BCAS3: variants seen among roughly 807,000 people sequenced by gnomAD.
BCAS3 encodes the protein BCAS3 microtubule associated cell migration factor.
A neutral mutation model predicts 116.1 loss-of-function variants in BCAS3; 53 were observed. The ratio of observed to expected loss-of-function variants is 0.46; its 90% CI spans 0.37 to 0.57. The LOEUF (loss-of-function observed/expected upper bound fraction) is 0.57, where lower values mean the gene tolerates loss of function less well. BCAS3 is among the 20% of genes least tolerant of loss of function. The pLI is 0.00. For missense variants in BCAS3, 917 were observed against 1,165.4 expected (o/e 0.79, Z 3.10); for synonymous variants, 391 against 408.2 (o/e 0.96, Z 0.51).
chr17:61,124,850 G>T lies in BCAS3; in HGVS notation c.2425+40286G>T, dbSNP rs2075973542. ...CGGCTCACCTGGCCTCTTAGTGACA[G>T]AGAAATCCTTTGTTTATTCATTTAG... On this transcript the variant is annotated intron_variant, in intron 22 of 23. Coordinates refer to ENST00000407086, the MANE Select transcript of BCAS3 (RefSeq NM_017679.5). The surrounding 1 kb of genome is among the most constrained non-coding windows in gnomAD (Gnocchi z 4.6). 6.6e-6 allele frequency among the ~76,000 whole-genome samples: 1 copy of T among 152,134 alleles called. No homozygotes were observed. Among genetic ancestry groups the T allele is most frequent in the Admixed American group, 6.5e-5 (1 of 15,272 alleles).
chr17:61,318,069 G>A lies in BCAS3; in HGVS notation c.2426-50258G>A, dbSNP rs889584841. Among the ~76,000 whole-genome samples the A allele has an allele frequency of 2.0e-5, 3 of 152,232 alleles. No individual in the cohort carries two copies. In the East Asian group the frequency reaches 5.8e-4, roughly 29 times the overall value. ...GTGTCCAGGCTGTGCAGGAAGCAGG[G>A]CCAGAGGCCGCCTCTCCTGCTAGAG... On this transcript the variant is annotated intron_variant, in intron 22 of 23. Transcript: ENST00000407086.
At chr17:60,854,358 T>C (rs990483738) in intron 7 of BCAS3, among the ~76,000 whole-genome samples, 1 of 152,194 alleles carries the variant, frequency 6.6e-6, no homozygotes, top group Non-Finnish European at 1.5e-5. Flanking sequence ...GCAATGAACA[T>C]ACGTGTGCAT....
intron 4 of BCAS3, among the ~76,000 whole-genome samples, chr17:60,693,622 A>T (rs1473021737): frequency 6.6e-6 from 1 of 151,336 alleles, no homozygotes; most frequent in Non-Finnish European, 1.5e-5. Context: ...CATGTTCCCT[A>T]AACTGGTCTC....
Position 61,171,833 on chromosome 17 carries a change from G to A in BCAS3, c.2425+87269G>A, listed in dbSNP as rs1440181643. ...TTTTTTGTAGAAATGGAGTCTCACT[G>A]TGTTGTTCGGGCTGTTCTTGAACTT... is the stretch of plus-strand genomic sequence containing the variant. On this transcript the variant is annotated intron_variant, in intron 22 of 23. Transcript: ENST00000407086. This position sits in a 1 kb window ranked among gnomAD's most constrained non-coding sequence, Gnocchi z 4.1. Among the ~76,000 whole-genome samples, 1 of 150,082 alleles carries A rather than the reference G, an allele frequency of 6.7e-6. No homozygotes were observed. Among genetic ancestry groups the A allele is most frequent in the Non-Finnish European group, 1.5e-5 (1 of 67,688 alleles).
chr17:60,704,754 C>T (rs2036888177), intron 4 of BCAS3, among the ~76,000 whole-genome samples: 1 of 151,780 alleles, frequency 6.6e-6, no homozygotes, highest in African/African-American at 2.4e-5. Flanking sequence ...AGGAGAATCG[C>T]TTGGACCAGG....
At chr17:61,334,704 T>C (rs990134595) in intron 22 of BCAS3, among the ~76,000 whole-genome samples, 12 of 143,882 alleles carry the variant, frequency 8.3e-5, no homozygotes, top group Admixed American at 7.0e-5. Flanking sequence ...AAGAAAACGA[T>C]GTATCCAGTC....
chr17:60,865,566 AT>A (rs1306630317), intron 7 of BCAS3, among the ~76,000 whole-genome samples: 1 of 152,196 alleles, frequency 6.6e-6, no homozygotes, highest in Non-Finnish European at 1.5e-5. Flanking sequence ...TCAGTTTCAA[AT>A]TGTTCATTTC....
intron 19 of BCAS3, among the ~76,000 whole-genome samples, chr17:61,057,900 A>G (rs1360631279): frequency 2.0e-5 from 3 of 149,946 alleles, no homozygotes; most frequent in South Asian, 2.1e-4. Context: ...AGTTTTTCCT[A>G]TATGTTTTAA....
At chr17:60,723,703 CTT>C (rs2039490594) in intron 5 of BCAS3, among the ~76,000 whole-genome samples, 1 of 141,538 alleles carries the variant, frequency 7.1e-6, no homozygotes, top group South Asian at 2.2e-4. Flanking sequence ...TACTTTTTCA[CTT>C]TCTTTCTTTT....
At chr17:61,306,320 T>C (rs954378460) in intron 22 of BCAS3, among the ~76,000 whole-genome samples, 1 of 152,230 alleles carries the variant, frequency 6.6e-6, no homozygotes, top group Non-Finnish European at 1.5e-5. Context: ...ACTTTGGTAC[T>C]ATAATGGTGA....
intron 9 of BCAS3, among the ~76,000 whole-genome samples, chr17:60,877,728 G>A (rs1475324989): frequency 6.6e-6 from 1 of 152,116 alleles, no homozygotes; most frequent in African/African-American, 2.4e-5. Context: ...TTAAGTCCTG[G>A]TCAAGTGGCT....
intron 15 of BCAS3, among the ~76,000 whole-genome samples, chr17:60,996,501 A>G (rs1424273409): frequency 1.3e-5 from 2 of 152,166 alleles, no homozygotes; most frequent in Non-Finnish European, 2.9e-5. Context: ...GGTTGGTGTC[A>G]ATTGAAATGA....
intron 22 of BCAS3, among the ~76,000 whole-genome samples, chr17:61,242,833 A>C (rs2047630631): frequency 7.6e-6 from 1 of 131,600 alleles, no homozygotes; most frequent in African/African-American, 2.7e-5. Context: ...TTTCTTCCAA[A>C]TGGAATTCTT....
chr17:61,252,727 C>T (rs954947565), intron 22 of BCAS3, among the ~76,000 whole-genome samples: 2 of 152,132 alleles, frequency 1.3e-5, no homozygotes, highest in African/African-American at 4.8e-5. Context: ...GGACATTGAC[C>T]TGCTTACAAC....
chr17:60,922,190 G>A (rs1334426858), intron 12 of BCAS3, among the ~76,000 whole-genome samples: 3 of 151,910 alleles, frequency 2.0e-5, no homozygotes, highest in Admixed American at 2.0e-4. Context: ...GCAATGGCAC[G>A]ATCTCAGCTC....
At chr17:60,939,240 C>T (rs1258402877) in intron 13 of BCAS3, among the ~76,000 whole-genome samples, 7 of 151,822 alleles carry the variant, frequency 4.6e-5, no homozygotes, top group Non-Finnish European at 8.8e-5. Flanking sequence ...AGACCAGCCT[C>T]GTCAACATGG....
chr17:61,370,953 T>C (rs1329396449), intron 23 of BCAS3, among the ~76,000 whole-genome samples: 1 of 152,192 alleles, frequency 6.6e-6, no homozygotes, highest in Non-Finnish European at 1.5e-5. Flanking sequence ...TCAGTCCCCC[T>C]CTTTCTTCCC....
chr17:61,215,384 T>C lies in BCAS3; in HGVS notation c.2425+130820T>C, dbSNP rs1343849731. 6.6e-6 allele frequency among the ~76,000 whole-genome samples: 1 copy of C among 152,212 alleles called. No individual in the cohort carries two copies. The highest frequency in any genetic ancestry group is 6.5e-5 in the Admixed American group (1 of 15,282). ...CTCTGTCCTTCTGACACTTCACCTC[T>C]CTGTTCTTCAGTTTTGTATTTTGTG... On this transcript the variant is annotated intron_variant, in intron 22 of 23. Transcript: ENST00000407086. This position sits in a 1 kb window ranked among gnomAD's most constrained non-coding sequence, Gnocchi z 4.8.
At chr17:60,948,000 G>A (rs2060613322) in intron 14 of BCAS3, among the ~76,000 whole-genome samples, 1 of 152,198 alleles carries the variant, frequency 6.6e-6, no homozygotes, top group Middle Eastern at 3.4e-3. Flanking sequence ...ACGTGCATGG[G>A]TACACATATG....
Sources: gnomAD v4.1 joint callset for allele counts (sites outside exome capture counted in the v4.1 genomes callset) on GRCh38, gnomAD v4.1.1 for gene constraint, Gnocchi (gnomAD v3.1) non-coding constraint, MANE v1.5 for transcripts, NCBI Gene and HGNC (gene_info 2026-07-23, HGNC 2026-07-21) for gene names.